The following ACOX3 variants were observed in gnomAD, a reference collection of about 807,000 sequenced individuals.
ACOX3 encodes the protein acyl-CoA oxidase 3, pristanoyl.
A neutral mutation model predicts 81.5 loss-of-function variants in ACOX3; 73 were observed. That is an observed-to-expected ratio of 0.90 (90% confidence interval 0.74 to 1.09). The LOEUF (loss-of-function observed/expected upper bound fraction) is 1.09. Among genes scored for constraint, ACOX3 ranks in the 50% least tolerant of loss-of-function variants. ACOX3 has a pLI of 0.00. For missense variants in ACOX3, 947 were observed against 928.0 expected (o/e 1.02, Z -0.27); for synonymous variants, 387 against 375.1 (o/e 1.03, Z -0.37).
rs368538993 is a variant in ACOX3, at chr4:8,386,288, C to T, written c.1537+2885G>A. Among the ~76,000 whole-genome samples the T allele has an allele frequency of 3.3e-4, 51 of 152,266 alleles. No homozygotes were observed. Among genetic ancestry groups the T allele is most frequent in the Admixed American group, 1.3e-4 (2 of 15,300 alleles). ...GGAAGCTTAGAAAGTGACTTGCGGC[C>T]GGGCGTGGTGGCTCATGCCTGTGAT... On this transcript the variant is annotated intron_variant, in intron 13 of 17. Transcript: ENST00000356406. This position sits in a 1 kb window ranked among gnomAD's most constrained non-coding sequence, Gnocchi z 5.2.
At position 8,405,995 on chromosome 4, in the gene ACOX3, C is replaced by T. The variant is rs779585315; in HGVS notation, c.736G>A (p.Asp246Asn). Residue 246 changes from aspartate (D) to asparagine (N), a missense_variant, in exon 7 of 18, where the codon GAC (aspartate) becomes AAC (asparagine). Physicochemically the swap from Asp to Asn is conservative, Grantham distance 23 (BLOSUM62 1). Transcript: ENST00000356406. The surrounding 1 kb of genome is among the most constrained non-coding windows in gnomAD (Gnocchi z 7.1). ...LLPMPGVMVGDIGKKLGQNGL... is the reference protein window; with the variant it reads ...LLPMPGVMVGNIGKKLGQNGL... ...TTCTGCCCGAGTTTTTTTCCTATGTCGCCAACCATCACTCCAGGCATGGGA... is the reference window on the plus strand; with the variant it reads ...TTCTGCCCGAGTTTTTTTCCTATGTTGCCAACCATCACTCCAGGCATGGGA... The T allele has an allele frequency of 9.9e-6, 16 of 1,614,012 alleles. No homozygotes were observed. The highest frequency in any genetic ancestry group is 2.2e-5 in the South Asian group (2 of 91,086).
In ACOX3 at chr4:8,415,416, T is replaced by A. The variant is rs183276781; in HGVS notation, c.378+350A>T. On this transcript the variant is annotated intron_variant, in intron 3 of 17. Transcript: ENST00000356406. ...CTTTGGCCTACTTTTTAAATTTTTT[T>A]ATTTTTTTTTTAATCATTTGTCTCT... Among the ~76,000 whole-genome samples the A allele has an allele frequency of 2.8e-3, 424 of 151,474 alleles. 2 individuals are homozygous for A. Among genetic ancestry groups the A allele is most frequent in the South Asian group, 9.8e-3 (47 of 4,772 alleles).
chr4:8,434,987 G>A (rs1724143973), intron 1 of ACOX3, among the ~76,000 whole-genome samples: 1 of 151,972 alleles, frequency 6.6e-6, no homozygotes, highest in Non-Finnish European at 1.5e-5. Context: ...ATGTTGTTTT[G>A]TCTCAAGAGA....
chr4:8,393,615 GCA>G (rs61109010), intron 10 of ACOX3, among the ~76,000 whole-genome samples: 50,363 of 140,316 alleles, frequency 0.36, 8,946 homozygotes, highest in South Asian at 0.48. Flanking sequence ...ACACACACAC[GCA>G]CACACACACA....
rs1438942444 is a variant in ACOX3, at chr4:8,400,773, CT to C, written c.777-1122del. On this transcript the variant is annotated intron_variant, in intron 7 of 17. Coordinates refer to ENST00000356406, the MANE Select transcript of ACOX3 (RefSeq NM_003501.3). This position sits in a 1 kb window ranked among gnomAD's most constrained non-coding sequence, Gnocchi z 4.4. Reference sequence around the variant, plus strand: ...ATGCCTTAGGGCAGCAGTCCGCAACCTTTTTGGCACCAGGGACCGGTTTTAT... The same window carrying C: ...ATGCCTTAGGGCAGCAGTCCGCAACCTTTTGGCACCAGGGACCGGTTTTAT... Among the ~76,000 whole-genome samples, 1 of 152,142 alleles carries C rather than the reference CT, an allele frequency of 6.6e-6. No individual in the cohort carries two copies. The highest frequency in any genetic ancestry group is 1.5e-5 in the Non-Finnish European group (1 of 68,038).
At position 8,392,385 on chromosome 4, in the gene ACOX3, C is replaced by T. The variant is rs371547581; in HGVS notation, c.1248G>A (p.Gln416=). 3.1e-6 allele frequency: 5 copies of T among 1,609,072 alleles called. 1 individual carries two copies. The Admixed American group carries it at 5.1e-5, about 17-fold the overall frequency. ...ASKPLASWTT[Q]QGIQECREAC... ...CCTCCCGGCATTCCTGAATTCCTTG[C>T]TGGGTGGTCCACGAGGCCAGGGGCT... Residue 416 remains glutamine (Q), a synonymous_variant, in exon 11 of 18, where the codon CAG becomes CAA. Transcript: ENST00000356406.
intron 7 of ACOX3, among the ~76,000 whole-genome samples, chr4:8,403,673 C>G (rs1720608763): frequency 6.6e-6 from 1 of 152,184 alleles, no homozygotes; most frequent in Admixed American, 6.5e-5. Context: ...TTTACCATAT[C>G]AGTGTGATGT....
chr4:8,374,656 T>C, intron 15 of ACOX3: 1 of 267,814 alleles, frequency 3.7e-6, no homozygotes. Flanking sequence ...CGTGTCTGTC[T>C]GTGCCTTATG....
chr4:8,367,034 A>G lies in ACOX3; in HGVS notation c.2030T>C (p.Leu677Ser). 1.2e-6 allele frequency: 2 copies of G among 1,614,118 alleles called. No homozygotes were observed. The highest frequency in any genetic ancestry group is 1.7e-6 in the Non-Finnish European group (2 of 1,180,008). ...CTCTGGCCACCAGGATGCCCGCTCC[A>G]ACACCTTGCTTTCCTGCAGGACAGC... Reference protein sequence around the residue: ...WGAVLQESKVLERASWWPEFS... With the variant: ...WGAVLQESKVSERASWWPEFS... Residue 677 changes from leucine to serine, a missense_variant, in exon 18 of 18, where the codon TTG becomes TCG. Transcript: ENST00000356406.
At chr4:8,374,666 G>A in intron 15 of ACOX3, 1 of 284,214 alleles carries the variant, frequency 3.5e-6, no homozygotes, top group East Asian at 5.9e-5. Flanking sequence ...TGTGCCTTAT[G>A]GGACCTAGTG....
At chr4:8,413,502 C>T (rs548860376) in intron 5 of ACOX3, among the ~76,000 whole-genome samples, 43 of 146,374 alleles carry the variant, frequency 2.9e-4, no homozygotes, top group Non-Finnish European at 4.7e-4. Flanking sequence ...CCCTCCACCC[C>T]GCAACCCTCC....
rs1720143237 is a variant in ACOX3, at chr4:8,399,677, G to GC, written c.777-26_777-25insG. On this transcript the variant is annotated intron_variant, in intron 7 of 17. Transcript: ENST00000356406. This position sits in a 1 kb window ranked among gnomAD's most constrained non-coding sequence, Gnocchi z 4.9. ...ACTGTGGGGAAGCAGCAGGGCTTCT[G>GC]TTAAACAGGGGTCCTGCCCTGAGGC... The GC allele has an allele frequency of 6.3e-7, 1 of 1,598,394 alleles. No individual in the cohort carries two copies. Among genetic ancestry groups the GC allele is most frequent in the Non-Finnish European group, 8.6e-7 (1 of 1,165,852 alleles).
chr4:8,396,961 T>C lies in ACOX3; in HGVS notation c.1032A>G (p.Ile344Met), dbSNP rs549414433. The C allele has an allele frequency of 4.9e-5, 79 of 1,611,946 alleles. No individual in the cohort carries two copies. The South Asian group carries it at 7.8e-4, about 16-fold the overall frequency. ...RQFGPTEEEE[I>M]PVLEYPMQQW... ...CCTGCATTGGATACTCAAGCACTGG[T>C]ATTTCCTCCTCCTCTGTGGGTCCAA... Residue 344 changes from isoleucine to methionine, a missense_variant, in exon 9 of 18, where the codon ATA (isoleucine) becomes ATG (methionine). Physicochemically the swap from Ile to Met is conservative, Grantham distance 10. Transcript: ENST00000356406.
rs1312818110 is a variant in ACOX3 at position 8,419,277 on chromosome 4, T to C, written c.-14-2742A>G. On this transcript the variant is annotated intron_variant, in intron 1 of 17. Transcript: ENST00000356406. This position sits in a 1 kb window ranked among gnomAD's most constrained non-coding sequence, Gnocchi z 4.2. ...GGTGAAACCTCATCTCTACTAAAAA[T>C]ACAAAAAAATTAGCCGGGCATGGTG... Among the ~76,000 whole-genome samples the C allele has an allele frequency of 6.7e-6, 1 of 150,154 alleles. No homozygotes were observed. The highest frequency in any genetic ancestry group is 2.5e-5 in the African/African-American group (1 of 40,676).
chr4:8,438,378 C>T (rs1185253577), intron 1 of ACOX3, among the ~76,000 whole-genome samples: 1 of 152,184 alleles, frequency 6.6e-6, no homozygotes, highest in Admixed American at 6.5e-5. Context: ...GAACTGGACA[C>T]TCGAGCAGCT....
the ACOX3 span, chr4:8,358,119 C>A: frequency 6.6e-6 from 1 of 152,148 alleles, no homozygotes; most frequent in African/African-American, 2.4e-5. Flanking sequence ...ACATAGTAGC[C>A]CCGAAGGAAT....
intron 14 of ACOX3, among the ~76,000 whole-genome samples, chr4:8,376,853 C>T (rs909031274): frequency 3.2e-5 from 4 of 126,328 alleles, no homozygotes; most frequent in African/African-American, 1.2e-4. Context: ...CCTGACAGAC[C>T]CCAGCTAGGT....
chr4:8,418,079 T>C lies in ACOX3; in HGVS notation c.-14-1544A>G, dbSNP rs576413280. Among the ~76,000 whole-genome samples, 22 of 152,312 alleles carry C rather than the reference T, an allele frequency of 1.4e-4. No homozygotes were observed. In the South Asian group the frequency reaches 3.5e-3, roughly 24 times the overall value. On this transcript the variant is annotated intron_variant, in intron 1 of 17. Transcript: ENST00000356406. ...CCACGAAGAAAAACCAGGGGTTCCA[T>C]TGTGAATTCTGCCAAACATTTAAAG...
chr4:8,416,330 A>C lies in ACOX3; in HGVS notation c.144+48T>G. On this transcript the variant is annotated intron_variant, in intron 2 of 17. Coordinates refer to ENST00000356406, the MANE Select transcript of ACOX3 (RefSeq NM_003501.3). The surrounding 1 kb of genome is among the most constrained non-coding windows in gnomAD (Gnocchi z 4.2). ...GAAATCCCATTCTGCTAACGAACTA[A>C]GACCCCACTGGGAAAAAAGACAAGC... 6.2e-7 allele frequency: 1 copy of C among 1,613,368 alleles called. No homozygotes were observed. Among genetic ancestry groups the C allele is most frequent in the Non-Finnish European group, 8.5e-7 (1 of 1,179,924 alleles).
Sources: allele counts gnomAD v4.1 joint callset (sites outside exome capture counted in the v4.1 genomes callset), GRCh38; gene constraint gnomAD v4.1.1; non-coding constraint Gnocchi (gnomAD v3.1); transcripts MANE v1.5; gene names NCBI Gene and HGNC (gene_info 2026-07-23, HGNC 2026-07-21).